The following FSD2 variants were observed in gnomAD, a reference collection of about 807,000 sequenced individuals.
The protein encoded by FSD2 is fibronectin type III and SPRY domain-containing protein 2.
In FSD2, 71 loss-of-function variants were observed where a neutral mutation model predicts 80.4. The ratio of observed to expected loss-of-function variants is 0.88; its 90% CI spans 0.73 to 1.08. The LOEUF is 1.08. Among genes scored for constraint, FSD2 ranks in the 50% least tolerant of loss-of-function variants. FSD2 has a pLI of 0.00. For synonymous variants in FSD2, 361 were observed against 329.5 expected, an observed-to-expected ratio of 1.10 and a Z score of -1.03; for missense variants, 923 against 913.8, an observed-to-expected ratio of 1.01 and a Z score of -0.13.
chr15:82,782,104 T>TAATA (rs749972634), intron 4 of FSD2, among the ~76,000 whole-genome samples: 1 of 118,906 alleles, frequency 8.4e-6, no homozygotes, highest in African/African-American at 3.1e-5. Flanking sequence ...ATAATAATAA[T>TAATA]AAAACTCTTG....
chr15:82,760,734 T>C (rs1480766626), intron 12 of FSD2, among the ~76,000 whole-genome samples: 1 of 69,806 alleles, frequency 1.4e-5, no homozygotes, highest in African/African-American at 7.0e-5. Flanking sequence ...CGTGTGTGCG[T>C]GCACGCACAC....
At chr15:82,778,160 T>TATATATATAA (rs2049768424) in intron 6 of FSD2, among the ~76,000 whole-genome samples, 1 of 60,042 alleles carries the variant, frequency 1.7e-5, no homozygotes, top group African/African-American at 8.3e-5. Context: ...ATATATATAA[T>TATATATATAA]AACTATTACA....
chr15:82,798,703 G>A (rs2151540564), intron 1 of FSD2, among the ~76,000 whole-genome samples: 1 of 152,162 alleles, frequency 6.6e-6, no homozygotes, highest in Non-Finnish European at 1.5e-5. Context: ...TTGTTCCACA[G>A]TTGTACACAG....
intron 6 of FSD2, 39 bp downstream of exon 6, chr15:82,778,727 A>G: frequency 6.4e-7 from 1 of 1,558,126 alleles, no homozygotes; most frequent in African/African-American, 1.4e-5. Flanking sequence ...AGCTCTGGGT[A>G]GTCTGAACCT....
At chr15:82,805,558 GTTA>G (rs1227411144) in intron 1 of FSD2, among the ~76,000 whole-genome samples, 1 of 149,306 alleles carries the variant, frequency 6.7e-6, no homozygotes, top group Non-Finnish European at 1.5e-5. Flanking sequence ...AATGCATGAA[GTTA>G]TTATTTTTCA....
chr15:82,786,256 A>C (rs1235535727), intron 3 of FSD2, among the ~76,000 whole-genome samples: 1 of 152,208 alleles, frequency 6.6e-6, no homozygotes. Flanking sequence ...AGGACTAGGG[A>C]TATTGAGACA....
rs374144790 is a variant in FSD2 at position 82,782,846 on chromosome 15, C to T, written c.915G>A (p.Leu305=). 6.3e-5 allele frequency: 102 copies of T among 1,613,856 alleles called. No individual in the cohort carries two copies. Among genetic ancestry groups the T allele is most frequent in the Non-Finnish European group, 8.6e-5 (102 of 1,179,900 alleles). The part of the protein sequence containing the change: ...CGENLDTCKE[L]METIEEMCHE... ...GACACATCTCCTCTATTGTTTCCAT[C>T]AGTTCTTTGCAAGTATCTAGGTTTT... The change falls in exon 4 of 13, where the codon CTG becomes CTA. Residue 305 remains leucine (L), a synonymous_variant. Transcript: ENST00000334574.
chr15:82,762,099 T>C lies in FSD2; in HGVS notation c.1997+3A>G. 1 of 1,578,232 alleles carries C rather than the reference T, an allele frequency of 6.3e-7. No individual in the cohort carries two copies. Among genetic ancestry groups the C allele is most frequent in the Non-Finnish European group, 8.6e-7 (1 of 1,162,858 alleles). ...AATTGTGAGTATCCAGATTTTACTT[T>C]ACCTTGATGATGCAAATGTGTGCCT... On this transcript the variant is annotated splice_donor_region_variant and intron_variant, in intron 12 of 12. Coordinates refer to ENST00000334574, the MANE Select transcript of FSD2 (RefSeq NM_001007122.4).
intron 1 of FSD2, among the ~76,000 whole-genome samples, chr15:82,802,527 T>C (rs1038113261): frequency 6.6e-6 from 1 of 152,154 alleles, no homozygotes; most frequent in African/African-American, 2.4e-5. Context: ...CCACATTGCA[T>C]AGAAATAATG....
At chr15:82,802,411 G>A (rs1435252916) in intron 1 of FSD2, among the ~76,000 whole-genome samples, 1 of 152,180 alleles carries the variant, frequency 6.6e-6, no homozygotes, top group Admixed American at 6.5e-5. Context: ...ATCCCTTGTT[G>A]TAGTGGATGA....
intron 12 of FSD2, 137 bp from the exon 13 acceptor site, chr15:82,759,737 C>T: frequency 1.5e-6 from 1 of 675,926 alleles, no homozygotes. Context: ...AGGTGACAAG[C>T]CATTTCTAAA....
rs1191257584 is a variant in FSD2 at position 82,783,008 on chromosome 15, T to C, written c.753A>G (p.Gln251=). 6.8e-6 allele frequency: 11 copies of C among 1,611,764 alleles called. No homozygotes were observed. The highest frequency in any genetic ancestry group is 9.3e-6 in the Non-Finnish European group (11 of 1,179,342). The change falls in exon 4 of 13, where the codon CAA becomes CAG. Residue 251 remains glutamine, a synonymous_variant. Transcript: ENST00000334574. ...FITVEENFGK[Q]EQNFESHYNE... ...TGTAATGTGACTCAAAGTTTTGTTC[T>C]TGTTTTCCAAAATTCTCCTGCAAGA...
intron 6 of FSD2, among the ~76,000 whole-genome samples, chr15:82,773,769 C>T (rs746500315): frequency 6.6e-6 from 1 of 152,084 alleles, no homozygotes; most frequent in South Asian, 2.1e-4. Context: ...ATTAGAAACA[C>T]CCCAGTATCC....
At chr15:82,795,818 C>T (rs1228202952) in intron 1 of FSD2, among the ~76,000 whole-genome samples, 3 of 148,100 alleles carry the variant, frequency 2.0e-5, no homozygotes, top group African/African-American at 5.0e-5. Flanking sequence ...GGTGATGGAG[C>T]GAGACTCCAT....
chr15:82,783,525 C>T (rs1053326207), intron 3 of FSD2, among the ~76,000 whole-genome samples: 4 of 152,164 alleles, frequency 2.6e-5, no homozygotes, highest in East Asian at 1.9e-4. Context: ...TAGGTGTCTC[C>T]GGCCTAGACT....
At position 82,787,032 on chromosome 15, in the gene FSD2, C is replaced by T. The variant is rs2050017617; in HGVS notation, c.359G>A (p.Trp120Ter). Reference sequence around the variant, plus strand: ...CTCCGCTGCCTCTCCACTAAGTCTCCAGTCTCTCTGCTCCCTGGCTGGGTC... The same window carrying T: ...CTCCGCTGCCTCTCCACTAAGTCTCTAGTCTCTCTGCTCCCTGGCTGGGTC... Reference protein sequence around the residue: ...RRDPAREQRDWRLSGEAAEAE... With the variant: ...RRDPAREQRD Residue 120 changes from tryptophan (W) to a stop codon, truncating the protein, a stop_gained, in exon 2 of 13, where the codon TGG (tryptophan) becomes TAG (stop). Transcript: ENST00000334574. LOFTEE classifies it high-confidence loss of function. The T allele has an allele frequency of 6.2e-7, 1 of 1,613,866 alleles. No individual in the cohort carries two copies. The highest frequency in any genetic ancestry group is 1.3e-5 in the African/African-American group (1 of 74,940).
rs1160574922 is a variant in FSD2, at chr15:82,786,454, A to G, written c.735+57T>C. The stretch of plus-strand genomic sequence containing the variant: ...AGCTCATACCAGAAACAGCTGCTTG[A>G]CATAGCCATTGATGGAAGAAATGTG... On this transcript the variant is annotated intron_variant, in intron 3 of 12. Transcript: ENST00000334574. 3 of 1,285,770 alleles carry G rather than the reference A, an allele frequency of 2.3e-6. No individual in the cohort carries two copies. The African/African-American group carries it at 4.4e-5, about 19-fold the overall frequency. 79.6% of individuals were successfully genotyped at this position (1,285,770 alleles called of 1,614,324 possible). A position where few individuals can be genotyped will look rare whatever the true frequency, so the allele number is the denominator to read the frequency against.
chr15:82,775,397 C>CAA (rs79281280), intron 6 of FSD2, among the ~76,000 whole-genome samples: 21 of 138,982 alleles, frequency 1.5e-4, no homozygotes, highest in East Asian at 1.0e-3. Flanking sequence ...GACTCTGTCT[C>CAA]AAAAAAAAAA....
intron 1 of FSD2, among the ~76,000 whole-genome samples, chr15:82,791,645 T>C (rs2050154813): frequency 2.6e-5 from 4 of 152,196 alleles, no homozygotes; most frequent in African/African-American, 7.2e-5. Flanking sequence ...GTGCTGAGAT[T>C]ACAGGAGTGA....
Sources: gnomAD v4.1 joint callset for allele counts (sites outside exome capture counted in the v4.1 genomes callset) on GRCh38, gnomAD v4.1.1 for gene constraint, MANE v1.5 for transcripts, NCBI Gene and HGNC (gene_info 2026-07-23, HGNC 2026-07-21) for gene names.